The following ZNF697 variants were observed in gnomAD, a reference collection of about 807,000 sequenced individuals.
ZNF697 encodes zinc finger protein 697.
Under a neutral mutation model 32.4 loss-of-function variants are expected in ZNF697, and 23 were observed. The observed-to-expected ratio is 0.71, with a 90% CI of 0.51 to 1.01. The LOEUF (loss-of-function observed/expected upper bound fraction) is 1.01. ZNF697 is among the 50% of genes least tolerant of loss of function. The pLI is 0.00. For missense variants in ZNF697, 930 were observed against 794.0 expected (o/e 1.17, Z -2.06); for synonymous variants, 418 against 337.2 (o/e 1.24, Z -2.62).
intron 2 of ZNF697, among the ~76,000 whole-genome samples, chr1:119,625,467 G>T (rs1431086682): frequency 2.0e-5 from 3 of 152,154 alleles, no homozygotes; most frequent in Non-Finnish European, 4.4e-5. Flanking sequence ...AGATGAGGAC[G>T]TAACTGTAAA....
At chr1:119,634,452 G>A (rs1648868971) in intron 1 of ZNF697, among the ~76,000 whole-genome samples, 1 of 152,134 alleles carries the variant, frequency 6.6e-6, no homozygotes. Flanking sequence ...AGAAAAAACA[G>A]GAATAAAAAT....
chr1:119,639,752 C>T (rs1026584377), intron 1 of ZNF697, among the ~76,000 whole-genome samples: 7 of 149,404 alleles, frequency 4.7e-5, no homozygotes, highest in African/African-American at 1.7e-4. Flanking sequence ...GTGGCATACA[C>T]ATGTAATCCC....
chr1:119,633,576 G>A (rs140946028), intron 1 of ZNF697, among the ~76,000 whole-genome samples: 16 of 152,174 alleles, frequency 1.1e-4, no homozygotes, highest in African/African-American at 3.9e-4. Flanking sequence ...GATTGGATGA[G>A]GCCCACCCAC....
chr1:119,641,907 AC>A lies in ZNF697; in HGVS notation c.-38+5783del, dbSNP rs1351993182. On this transcript the variant is annotated intron_variant, in intron 1 of 2. Coordinates refer to ENST00000421812, the MANE Select transcript of ZNF697 (RefSeq NM_001080470.2). ...ATTAAACCTCTTTTCCTTATAAATT[AC>A]CTGTTTTGGGTATTTCTTCATAGCA... Among the ~76,000 whole-genome samples, 6 of 152,310 alleles carry A rather than the reference AC, an allele frequency of 3.9e-5. No homozygotes were observed. In the East Asian group the frequency reaches 1.2e-3, roughly 29 times the overall value.
Position 119,623,155 on chromosome 1 carries a change from C to T in ZNF697, c.1188G>A (p.Leu396=). ...CCGTGTGCACGCGCTGGTGCTTCAC[C>T]AAGTCCGAGCGCCAGCTGAAGCGCT... is the stretch of plus-strand genomic sequence containing the variant. ...CGKRFSWRSD[L]VKHQRVHTGE... The change falls in exon 3 of 3, where the codon TTG becomes TTA. Residue 396 remains leucine, a synonymous_variant. Transcript: ENST00000421812. 1 of 1,584,504 alleles carries T rather than the reference C, an allele frequency of 6.3e-7. No individual in the cohort carries two copies. Among genetic ancestry groups the T allele is most frequent in the Non-Finnish European group, 8.6e-7 (1 of 1,166,102 alleles).
Position 119,623,369 on chromosome 1 carries a change from G to A in ZNF697, c.974C>T (p.Ala325Val). The change falls in exon 3 of 3, where the codon GCC (alanine) becomes GTC (valine). Residue 325 changes from alanine (A) to valine (V), a missense_variant. Coordinates refer to ENST00000421812, the MANE Select transcript of ZNF697 (RefSeq NM_001080470.2). ...KPYPCPECGE[A>V]FSLSSHLLSH... ...CAACAGATGCGAGCTGAGGCTGAAG[G>A]CCTCGCCGCACTCGGGGCACGGGTA... 6.8e-7 allele frequency: 1 copy of A among 1,466,930 alleles called. No homozygotes were observed. The highest frequency in any genetic ancestry group is 1.3e-5 in the South Asian group (1 of 76,430). 90.9% of individuals were successfully genotyped at this position (1,466,930 alleles called of 1,614,324 possible).
intron 1 of ZNF697, among the ~76,000 whole-genome samples, chr1:119,646,063 G>A (rs1649193353): frequency 6.6e-6 from 1 of 152,078 alleles, no homozygotes; most frequent in Admixed American, 6.5e-5. Context: ...ATGAGCCTTA[G>A]TCATGCTGCT....
Position 119,620,016 on chromosome 1 carries a change from AC to A in ZNF697, c.*2688del, listed in dbSNP as rs1375301074. 5 of 17,762 alleles carry A rather than the reference AC, an allele frequency of 2.8e-4. No individual in the cohort carries two copies. In the African/African-American group the frequency reaches 3.9e-3, roughly 14 times the overall value. The allele number at this position is 17,762 out of a possible 1,614,324, so 1.1% of individuals were successfully genotyped here. A position where few individuals can be genotyped will look rare whatever the true frequency, so the allele number is the denominator to read the frequency against. ...ATTATTCTAAAACTAGATAGAAGAA[AC>A]AAACAACCTCCTGAATGCATTTAAC... On this transcript the variant is annotated 3_prime_UTR_variant, in exon 3 of 3. Coordinates refer to ENST00000421812, the MANE Select transcript of ZNF697 (RefSeq NM_001080470.2).
In ZNF697 at chr1:119,623,382, C is replaced by T. The variant is rs1469841910; in HGVS notation, c.961G>A (p.Glu321Lys). Residue 321 changes from glutamate (E) to lysine (K), a missense_variant, in exon 3 of 3, where the codon GAG (glutamate) becomes AAG (lysine). By Grantham distance (56) the Glu-to-Lys change is moderately conservative. Transcript: ENST00000421812. ...CTGAGGCTGAAGGCCTCGCCGCACT[C>T]GGGGCACGGGTAGGGCTTCTCGCCC... is the stretch of plus-strand genomic sequence containing the variant. ...HTGEKPYPCP[E>K]CGEAFSLSSH... 6.7e-7 allele frequency: 1 copy of T among 1,486,500 alleles called. No individual in the cohort carries two copies. Among genetic ancestry groups the T allele is most frequent in the Non-Finnish European group, 8.9e-7 (1 of 1,120,582 alleles). 92.1% of individuals were successfully genotyped at this position (1,486,500 alleles called of 1,614,324 possible).
chr1:119,621,064 C>T lies in ZNF697; in HGVS notation c.*1641G>A, dbSNP rs587676719. ...AATCTATACAAGAGTCATCTAACTA[C>T]AGCCCCTTACTAGAAATGGAACATA... is the stretch of plus-strand genomic sequence containing the variant. On this transcript the variant is annotated 3_prime_UTR_variant, in exon 3 of 3. Coordinates refer to ENST00000421812, the MANE Select transcript of ZNF697 (RefSeq NM_001080470.2). 1 of 152,342 alleles carries T rather than the reference C, an allele frequency of 6.6e-6. No individual in the cohort carries two copies. The highest frequency in any genetic ancestry group is 2.1e-4 in the South Asian group (1 of 4,826). The allele number at this position is 152,342 out of a possible 1,614,324, so 9.4% of individuals were successfully genotyped here.
intron 1 of ZNF697, among the ~76,000 whole-genome samples, chr1:119,637,314 A>G (rs1648950453): frequency 6.6e-6 from 1 of 152,224 alleles, no homozygotes; most frequent in African/African-American, 2.4e-5. Flanking sequence ...TACTACAAAT[A>G]CAGTTTCTTA....
intron 2 of ZNF697, among the ~76,000 whole-genome samples, chr1:119,624,445 G>A (rs1358974094): frequency 6.6e-6 from 1 of 152,224 alleles, no homozygotes; most frequent in Non-Finnish European, 1.5e-5. Flanking sequence ...TCTGTGCCAG[G>A]TGGGACACTA....
At chr1:119,625,758 A>C (rs1648559919) in intron 2 of ZNF697, 117 bp downstream of exon 2, 2 of 1,355,922 alleles carry the variant, frequency 1.5e-6, no homozygotes, top group Non-Finnish European at 2.0e-6. Context: ...ATCCTGCTTA[A>C]TGGTCCCCTC....
rs181844609 is a variant in ZNF697, at chr1:119,635,228, A to G, written c.-37-9091T>C. 9.8e-5 allele frequency among the ~76,000 whole-genome samples: 15 copies of G among 152,344 alleles called. No homozygotes were observed. The East Asian group carries it at 2.5e-3, about 25-fold the overall frequency. Reference sequence around the variant, plus strand: ...GCCAGAACATAATAAAATATCAGTGATTTCCATAAAAGGAATAGCCTGCTT... The same window carrying G: ...GCCAGAACATAATAAAATATCAGTGGTTTCCATAAAAGGAATAGCCTGCTT... On this transcript the variant is annotated intron_variant, in intron 1 of 2. Coordinates refer to ENST00000421812, the MANE Select transcript of ZNF697 (RefSeq NM_001080470.2).
At chr1:119,625,750 C>T (rs1389896762) in intron 2 of ZNF697, 125 bp downstream of exon 2, 1 of 1,306,422 alleles carries the variant, frequency 7.7e-7, no homozygotes, top group Non-Finnish European at 1.0e-6. Context: ...AGTACAGAAT[C>T]CTGCTTAATG....
At chr1:119,640,402 C>G (rs587709317) in intron 1 of ZNF697, among the ~76,000 whole-genome samples, 92 of 152,326 alleles carry the variant, frequency 6.0e-4, no homozygotes, top group African/African-American at 1.8e-3. Context: ...AACCTGTTAG[C>G]ACCAGGAGCC....
At position 119,623,541 on chromosome 1, in the gene ZNF697, T is replaced by C; in HGVS notation, c.802A>G (p.Lys268Glu). Residue 268 changes from lysine (K) to glutamate (E), a missense_variant, in exon 3 of 3, where the codon AAG becomes GAG. Physicochemically the swap from Lys to Glu is moderately conservative, Grantham distance 56. Transcript: ENST00000421812. ...EKPFRCGECGKGFSRNTYLTN... is the reference protein window; with the variant it reads ...EKPFRCGECGEGFSRNTYLTN... ...AGGTAGGTGTTGCGGCTGAAGCCCTTGCCGCACTCCCCGCAGCGGAAGGGC... is the reference window on the plus strand; with the variant it reads ...AGGTAGGTGTTGCGGCTGAAGCCCTCGCCGCACTCCCCGCAGCGGAAGGGC... 1 of 1,546,060 alleles carries C rather than the reference T, an allele frequency of 6.5e-7. No individual in the cohort carries two copies. The highest frequency in any genetic ancestry group is 8.7e-7 in the Non-Finnish European group (1 of 1,148,332).
rs1649261040 is a variant in ZNF697, at chr1:119,647,954, C to A, written c.-301G>T. On this transcript the variant is annotated 5_prime_UTR_variant, in exon 1 of 3. Transcript: ENST00000421812. ...GTCCACTTTACGAGGCACAACTTCG[C>A]CCAGCCGTTCCGCCACCGCACTCGA... 1.3e-5 allele frequency among the ~76,000 whole-genome samples: 2 copies of A among 152,230 alleles called. No homozygotes were observed. Among genetic ancestry groups the A allele is most frequent in the Non-Finnish European group, 2.9e-5 (2 of 68,032 alleles).
chr1:119,621,244 C>G lies in ZNF697; in HGVS notation c.*1461G>C, dbSNP rs1648300110. ...CATGACAAGTAAGTCTTCCTAGCAG[C>G]TGAGCTGGAGAATGCAAAAGGTCAG... On this transcript the variant is annotated 3_prime_UTR_variant, in exon 3 of 3. Transcript: ENST00000421812. 1 of 152,204 alleles carries G rather than the reference C, an allele frequency of 6.6e-6. No individual in the cohort carries two copies. Among genetic ancestry groups the G allele is most frequent in the African/African-American group, 2.4e-5 (1 of 41,438 alleles). 9.4% of individuals were successfully genotyped at this position (152,204 alleles called of 1,614,324 possible). A position where few individuals can be genotyped will look rare whatever the true frequency, so the allele number is the denominator to read the frequency against.
Sources: gnomAD v4.1 joint callset for allele counts (sites outside exome capture counted in the v4.1 genomes callset) on GRCh38, gnomAD v4.1.1 for gene constraint, MANE v1.5 for transcripts, NCBI Gene and HGNC (gene_info 2026-07-23, HGNC 2026-07-21) for gene names.